The following GJB6 variants were observed in gnomAD, a reference collection of about 807,000 sequenced individuals.
GJB6 encodes the protein gap junction protein beta 6.
In GJB6, 5 loss-of-function variants were observed where a neutral mutation model predicts 5.4. The observed-to-expected ratio is 0.92, with a 90% CI of 0.48 to 1.93. GJB6 has a LOEUF of 1.93. Ranked by LOEUF, GJB6 falls within the 30% of genes most tolerant of loss-of-function variation. The pLI, the probability that GJB6 is intolerant of heterozygous loss-of-function variation, is 0.01. For synonymous variants in GJB6, 136 were observed against 129.6 expected (o/e 1.05, Z -0.34); for missense variants, 298 against 326.9 (o/e 0.91, Z 0.68).
chr13:20,223,071 G>T lies in GJB6; in HGVS notation c.410C>A (p.Thr137Asn). Reference sequence around the variant, plus strand: ...GATGATTCGGAAAAAGATGCTGCTGGTGTACGTCCACCACAGCGACCCCTC... The same window carrying T: ...GATGATTCGGAAAAAGATGCTGCTGTTGTACGTCCACCACAGCGACCCCTC... ...RIEGSLWWTY[T>N]SSIFFRIIFE... The change falls in exon 5 of 5, where the codon ACC becomes AAC. Residue 137 changes from threonine to asparagine, a missense_variant. Physicochemically the swap from Thr to Asn is moderately conservative, Grantham distance 65. Transcript: ENST00000647029. 6.2e-7 allele frequency: 1 copy of T among 1,614,144 alleles called. No individual in the cohort carries two copies. Among genetic ancestry groups the T allele is most frequent in the Non-Finnish European group, 8.5e-7 (1 of 1,179,990 alleles).
intron 4 of GJB6, among the ~76,000 whole-genome samples, chr13:20,228,304 C>G (rs1289677553): frequency 6.6e-6 from 1 of 152,214 alleles, no homozygotes. Context: ...TAACTGATGC[C>G]TCTCTGGCTG....
intron 4 of GJB6, among the ~76,000 whole-genome samples, chr13:20,228,447 C>T (rs1354334878): frequency 2.0e-5 from 3 of 150,528 alleles, no homozygotes; most frequent in African/African-American, 4.9e-5. Flanking sequence ...GAACTCGATG[C>T]TGTTTTTTCT....
intron 4 of GJB6, among the ~76,000 whole-genome samples, chr13:20,224,770 C>T (rs767223361): frequency 1.3e-5 from 2 of 152,184 alleles, no homozygotes; most frequent in Non-Finnish European, 2.9e-5. Flanking sequence ...GACCTCTCCC[C>T]AGAGTAATTC....
chr13:20,224,664 T>G (rs1869453110), intron 4 of GJB6, among the ~76,000 whole-genome samples: 1 of 152,230 alleles, frequency 6.6e-6, no homozygotes. Context: ...CTTCTTAGCC[T>G]ATACTGCCAC....
intron 4 of GJB6, among the ~76,000 whole-genome samples, chr13:20,228,487 T>C (rs538657457): frequency 1.2e-5 from 1 of 83,000 alleles, no homozygotes; most frequent in Non-Finnish European, 2.2e-5. Context: ...TTTGTTTTTG[T>C]TTTTTGTTTT....
rs372607790 is a variant in GJB6 at position 20,222,794 on chromosome 13, T to G, written c.687A>C (p.Lys229Asn). Reference sequence around the variant, plus strand: ...CCTTTAGGGCATGATTGGGGTGATTTTTTTGCGTCTGTGCTCTCTTTGATC... The same window carrying G: ...CCTTTAGGGCATGATTGGGGTGATTGTTTTGCGTCTGTGCTCTCTTTGATC... ...FRRSKRAQTQ[K>N]NHPNHALKES... The change falls in exon 5 of 5, where the codon AAA (lysine) becomes AAC (asparagine). Residue 229 changes from lysine (K) to asparagine (N), a missense_variant. Transcript: ENST00000647029. 8 of 1,613,990 alleles carry G rather than the reference T, an allele frequency of 5.0e-6. No homozygotes were observed. Among genetic ancestry groups the G allele is most frequent in the African/African-American group, 1.3e-5 (1 of 74,920 alleles).
At position 20,222,509 on chromosome 13, in the gene GJB6, C is replaced by G; in HGVS notation, c.*186G>C. The G allele has an allele frequency of 1.6e-6, 1 of 607,458 alleles. No individual in the cohort carries two copies. The highest frequency in any genetic ancestry group is 2.8e-5 in the East Asian group (1 of 36,272). The allele number at this position is 607,458 out of a possible 1,614,324, so 37.6% of individuals were successfully genotyped here. A position where few individuals can be genotyped will look rare whatever the true frequency, so the allele number is the denominator to read the frequency against. ...GCAGTCTCTTGTTTTCAGAGATGGACCACATATTTGATTACGTTGTGTATG... is the reference window on the plus strand; with the variant it reads ...GCAGTCTCTTGTTTTCAGAGATGGAGCACATATTTGATTACGTTGTGTATG... On this transcript the variant is annotated 3_prime_UTR_variant, in exon 5 of 5. Coordinates refer to ENST00000647029, the MANE Select transcript of GJB6 (RefSeq NM_001110219.3).
chr13:20,229,915 G>C (rs944668977), intron 3 of GJB6, 166 bp from the exon 4 acceptor site: 1 of 149,108 alleles, frequency 6.7e-6, no homozygotes, highest in African/African-American at 2.5e-5. Context: ...TCTATGCTTT[G>C]AACACACAAA....
In GJB6 at chr13:20,222,698, G is replaced by C; in HGVS notation, c.783C>G (p.Ser261Arg). Reference protein sequence around the residue: ...SGQNAITGFPS With the variant: ...SGQNAITGFPR ...GCTACATTTTACCTTGAAATGTTTA[G>C]CTTGGGAAACCTGTGATTGCATTTT... The change falls in exon 5 of 5, where the codon AGC becomes AGG. Residue 261 changes from serine to arginine, a missense_variant. Physicochemically the swap from Ser to Arg is moderately radical, Grantham distance 110. Transcript: ENST00000647029. The C allele has an allele frequency of 1.9e-6, 3 of 1,613,662 alleles. No individual in the cohort carries two copies. Among genetic ancestry groups the C allele is most frequent in the Non-Finnish European group, 2.5e-6 (3 of 1,179,554 alleles).
In GJB6 at chr13:20,223,070, G is replaced by A; in HGVS notation, c.411C>T (p.Thr137=). The A allele has an allele frequency of 1.2e-6, 2 of 1,613,594 alleles. No homozygotes were observed. The highest frequency in any genetic ancestry group is 8.5e-7 in the Non-Finnish European group (1 of 1,179,518). ...AGATGATTCGGAAAAAGATGCTGCT[G>A]GTGTACGTCCACCACAGCGACCCCT... is the stretch of plus-strand genomic sequence containing the variant. ...RIEGSLWWTY[T]SSIFFRIIFE... Residue 137 remains threonine (T), a synonymous_variant, in exon 5 of 5, where the codon ACC becomes ACT. Coordinates refer to ENST00000647029, the MANE Select transcript of GJB6 (RefSeq NM_001110219.3).
At chr13:20,228,562 C>A (rs551784428) in intron 4 of GJB6, among the ~76,000 whole-genome samples, 1 of 151,522 alleles carries the variant, frequency 6.6e-6, no homozygotes, top group Non-Finnish European at 1.5e-5. Context: ...CGGCTCACTG[C>A]AAGCTCCGCC....
chr13:20,226,372 G>T (rs1278473186), intron 4 of GJB6, among the ~76,000 whole-genome samples: 1 of 152,010 alleles, frequency 6.6e-6, no homozygotes, highest in Non-Finnish European at 1.5e-5. Flanking sequence ...ATCAGAGGCT[G>T]TGTGAGTGTC....
intron 4 of GJB6, among the ~76,000 whole-genome samples, chr13:20,224,767 C>A: frequency 6.6e-6 from 1 of 152,216 alleles, no homozygotes; most frequent in East Asian, 1.9e-4. Context: ...AAAGACCTCT[C>A]CCCAGAGTAA....
At chr13:20,227,699 G>T (rs1209720338) in intron 4 of GJB6, among the ~76,000 whole-genome samples, 1 of 152,230 alleles carries the variant, frequency 6.6e-6, no homozygotes, top group Admixed American at 6.5e-5. Context: ...CCAACAGCCA[G>T]GGAGAAGAGA....
rs1869239105 is a variant in GJB6 at position 20,222,498 on chromosome 13, T to G, written c.*197A>C. On this transcript the variant is annotated 3_prime_UTR_variant, in exon 5 of 5. Transcript: ENST00000647029. ...TCCTTTGTCAAGCAGTCTCTTGTTT[T>G]CAGAGATGGACCACATATTTGATTA... The G allele has an allele frequency of 1.7e-6, 1 of 595,972 alleles. No homozygotes were observed. Among genetic ancestry groups the G allele is most frequent in the African/African-American group, 1.9e-5 (1 of 53,852 alleles). 36.9% of individuals were successfully genotyped at this position (595,972 alleles called of 1,614,324 possible). A position where few individuals can be genotyped will look rare whatever the true frequency, so the allele number is the denominator to read the frequency against.
At chr13:20,228,115 T>C (rs757748090) in intron 4 of GJB6, among the ~76,000 whole-genome samples, 10 of 152,240 alleles carry the variant, frequency 6.6e-5, no homozygotes, top group Non-Finnish European at 1.2e-4. Flanking sequence ...ATTTGTGAAG[T>C]CGTCACTAAT....
intron 2 of GJB6, 196 bp from the exon 3 acceptor site, chr13:20,231,003 C>G (rs1870045026): frequency 6.6e-6 from 1 of 152,288 alleles, no homozygotes; most frequent in Non-Finnish European, 1.5e-5. Context: ...CTGGTGTTCT[C>G]TCTTCAGAAC....
intron 4 of GJB6, among the ~76,000 whole-genome samples, chr13:20,226,291 A>T (rs1869574022): frequency 3.4e-5 from 1 of 29,584 alleles, no homozygotes; most frequent in African/African-American, 1.3e-4. Context: ...GTTTTTCTTA[A>T]AAAAAAAAAA....
At chr13:20,227,179 T>C (rs1030222649) in intron 4 of GJB6, among the ~76,000 whole-genome samples, 1 of 152,164 alleles carries the variant, frequency 6.6e-6, no homozygotes, top group Non-Finnish European at 1.5e-5. Flanking sequence ...CAGTAGCTTT[T>C]TAAATTTCTT....
Sources: gnomAD v4.1 joint callset for allele counts (sites outside exome capture counted in the v4.1 genomes callset) on GRCh38, gnomAD v4.1.1 for gene constraint, MANE v1.5 for transcripts, NCBI Gene and HGNC (gene_info 2026-07-23, HGNC 2026-07-21) for gene names.